Variants in TRHDE observed in about 807,000 individuals in gnomAD.
TRHDE encodes the protein thyrotropin releasing hormone degrading enzyme, also known as thyrotropin-releasing hormone-degrading ectoenzyme.
TRHDE carries 72 observed loss-of-function variants against 125.7 expected under a neutral mutation model. That is an observed-to-expected ratio of 0.57 (90% CI 0.47 to 0.70). TRHDE has a LOEUF of 0.70. Ranked by LOEUF, TRHDE falls within the 30% of genes least tolerant of loss-of-function variation. TRHDE has a pLI of 0.00. For synonymous variants in TRHDE, 509 were observed against 509.1 expected (o/e 1.00, Z 0.00); for missense variants, 1,110 against 1,327.1 (o/e 0.84, Z 2.54).
At chr12:72,507,709 G>A (rs1206138130) in intron 6 of TRHDE, among the ~76,000 whole-genome samples, 1 of 152,242 alleles carries the variant, frequency 6.6e-6, no homozygotes, top group Non-Finnish European at 1.5e-5. Flanking sequence ...CAAGTGGGTT[G>A]TAGAAATGTG....
chr12:72,527,101 T>C (rs1868349610), intron 6 of TRHDE, among the ~76,000 whole-genome samples: 1 of 152,216 alleles, frequency 6.6e-6, no homozygotes, highest in Admixed American at 6.5e-5. Context: ...CTATCATTTC[T>C]TACTAATATT....
intron 6 of TRHDE, among the ~76,000 whole-genome samples, chr12:72,505,602 A>G (rs1224186921): frequency 2.0e-5 from 3 of 152,182 alleles, no homozygotes; most frequent in South Asian, 4.1e-4. Flanking sequence ...AGCAATTCTT[A>G]TGTCGTGGTT....
At chr12:72,513,868 A>G (rs1179040098) in intron 6 of TRHDE, among the ~76,000 whole-genome samples, 3 of 152,064 alleles carry the variant, frequency 2.0e-5, no homozygotes, top group Non-Finnish European at 2.9e-5. Context: ...AAAGAGTTAC[A>G]CCTTAGCACA....
chr12:72,419,289 C>T (rs1873854830), intron 3 of TRHDE, among the ~76,000 whole-genome samples: 1 of 152,112 alleles, frequency 6.6e-6, no homozygotes, highest in South Asian at 2.1e-4. Flanking sequence ...AAGTTGTATA[C>T]AAAATGATGG....
intron 5 of TRHDE, among the ~76,000 whole-genome samples, chr12:72,487,347 C>T (rs1036523872): frequency 6.6e-6 from 1 of 152,018 alleles, no homozygotes; most frequent in African/African-American, 2.4e-5. Flanking sequence ...TTTGATCATA[C>T]TGTCAATAGT....
chr12:72,275,038 C>G (rs773215735), intron 1 of TRHDE: 9 of 152,326 alleles, frequency 5.9e-5, no homozygotes, highest in Non-Finnish European at 1.3e-4. Context: ...GAAGAGGAGG[C>G]AGGTTACAGA....
At chr12:72,295,972 G>C (rs1290529839) in intron 2 of TRHDE, among the ~76,000 whole-genome samples, 2 of 152,184 alleles carry the variant, frequency 1.3e-5, no homozygotes, top group Non-Finnish European at 2.9e-5. Context: ...GGAAGTGATA[G>C]TCATCCTCCT....
At chr12:72,381,168 A>G (rs2135780328) in intron 3 of TRHDE, among the ~76,000 whole-genome samples, 1 of 152,234 alleles carries the variant, frequency 6.6e-6, no homozygotes, top group Middle Eastern at 3.4e-3. Context: ...TAACCATCCT[A>G]CAATGCACAG....
Position 72,353,259 on chromosome 12 carries a change from T to TA in TRHDE, c.1189-24736_1189-24735insA, listed in dbSNP as rs200154120. On this transcript the variant is annotated intron_variant, in intron 2 of 18. Transcript: ENST00000261180. ...GTTTTGTAAAACAAAACTGAAGTGT[T>TA]TAATCTGTGATCACTCATTCACTTA... Among the ~76,000 whole-genome samples the TA allele has an allele frequency of 3.6e-4, 54 of 151,830 alleles. 1 individual carries two copies. The East Asian group carries it at 9.0e-3, about 25-fold the overall frequency.
chr12:72,555,408 A>T (rs1336766689), intron 7 of TRHDE, among the ~76,000 whole-genome samples: 1 of 152,082 alleles, frequency 6.6e-6, no homozygotes, highest in African/African-American at 2.4e-5. Context: ...CAAAAAGTTT[A>T]GTAATGGTTC....
intron 3 of TRHDE, among the ~76,000 whole-genome samples, chr12:72,438,924 C>A (rs911778817): frequency 4.7e-5 from 7 of 150,508 alleles, no homozygotes; most frequent in Non-Finnish European, 9.0e-5. Flanking sequence ...AGTCTTTAAT[C>A]CATTTGAGTT....
At chr12:72,316,138 T>C (rs1243320010) in intron 2 of TRHDE, among the ~76,000 whole-genome samples, 10 of 152,108 alleles carry the variant, frequency 6.6e-5, no homozygotes. Context: ...AATGCACAAA[T>C]CCAAGGAAAT....
intron 6 of TRHDE, among the ~76,000 whole-genome samples, chr12:72,522,048 T>A (rs1023622206): frequency 6.6e-6 from 1 of 152,236 alleles, no homozygotes; most frequent in African/African-American, 2.4e-5. Flanking sequence ...GTATATTAAG[T>A]CATTTAATTC....
At chr12:72,522,610 A>G (rs1868268215) in intron 6 of TRHDE, among the ~76,000 whole-genome samples, 1 of 152,234 alleles carries the variant, frequency 6.6e-6, no homozygotes, top group Admixed American at 6.5e-5. Context: ...GCTATGAAGC[A>G]ATATCATACT....
At chr12:72,637,251 C>A (rs1014374037) in intron 15 of TRHDE, among the ~76,000 whole-genome samples, 8 of 152,070 alleles carry the variant, frequency 5.3e-5, no homozygotes, top group Non-Finnish European at 1.0e-4. Context: ...TGTGTCGAGG[C>A]ATTTATCCAT....
chr12:72,458,609 C>T (rs1341164618), intron 3 of TRHDE, among the ~76,000 whole-genome samples: 1 of 152,166 alleles, frequency 6.6e-6, no homozygotes, highest in African/African-American at 2.4e-5. Flanking sequence ...CATTCAGCCT[C>T]TTAGTAGATA....
intron 2 of TRHDE, among the ~76,000 whole-genome samples, chr12:72,266,442 T>C (rs1347832914): frequency 6.6e-6 from 1 of 151,986 alleles, no homozygotes; most frequent in East Asian, 1.9e-4. Flanking sequence ...TTCAATTACT[T>C]AGTTCTCAGT....
intron 2 of TRHDE, among the ~76,000 whole-genome samples, chr12:72,312,532 A>C (rs900791997): frequency 6.6e-6 from 1 of 152,242 alleles, no homozygotes; most frequent in Non-Finnish European, 1.5e-5. Flanking sequence ...ATAATGCAAC[A>C]AATGATACTT....
intron 2 of TRHDE, among the ~76,000 whole-genome samples, chr12:72,177,256 A>G (rs1190550107): frequency 1.3e-5 from 2 of 152,202 alleles, no homozygotes; most frequent in African/African-American, 4.8e-5. Flanking sequence ...GGAAGGCTCC[A>G]CTTGCAACAA....
Sources: allele counts gnomAD v4.1 joint callset (sites outside exome capture counted in the v4.1 genomes callset), GRCh38; gene constraint gnomAD v4.1.1; transcripts MANE v1.5; gene names NCBI Gene and HGNC (gene_info 2026-07-23, HGNC 2026-07-21).